ANO10: variants seen among roughly 807,000 people sequenced by gnomAD.
ANO10 encodes the protein anoctamin-10.
Under a neutral mutation model 74.7 loss-of-function variants are expected in ANO10, and 77 were observed. The ratio of observed to expected loss-of-function variants is 1.03; its 90% confidence interval spans 0.86 to 1.25. The LOEUF (loss-of-function observed/expected upper bound fraction) is 1.25. Ranked by LOEUF, ANO10 falls within the 50% of genes most tolerant of loss-of-function variation. The probability of loss-of-function intolerance (pLI) is 0.00; values close to 1 mark genes in which losing one functional copy is unlikely to be tolerated. For missense variants in ANO10, 721 were observed against 778.1 expected, an observed-to-expected ratio of 0.93 and a Z score of 0.87; for synonymous variants, 279 against 284.9, an observed-to-expected ratio of 0.98 and a Z score of 0.21.
At chr3:43,690,821 G>T (rs1336806144) in intron 1 of ANO10, 1 of 538,724 alleles carries the variant, frequency 1.9e-6, no homozygotes, top group South Asian at 4.1e-5. Flanking sequence ...CGCAAAGCCG[G>T]AGGCAAGGCC....
At chr3:43,676,442 A>C (rs941363057) in intron 1 of ANO10, among the ~76,000 whole-genome samples, 4 of 152,182 alleles carry the variant, frequency 2.6e-5, no homozygotes, top group African/African-American at 9.7e-5. Flanking sequence ...TGGGAGACAG[A>C]GTGAGACCCT....
chr3:43,689,039 G>A (rs928567868), intron 1 of ANO10, among the ~76,000 whole-genome samples: 4 of 152,034 alleles, frequency 2.6e-5, no homozygotes, highest in African/African-American at 9.7e-5. Flanking sequence ...AGAGAGTGAG[G>A]GGTAGGTGCC....
chr3:43,414,542 C>A (rs1458505396), intron 12 of ANO10, among the ~76,000 whole-genome samples: 1 of 152,140 alleles, frequency 6.6e-6, no homozygotes, highest in South Asian at 2.1e-4. Flanking sequence ...TACCACTCTT[C>A]ATTTCTAGAA....
intron 7 of ANO10, among the ~76,000 whole-genome samples, chr3:43,572,558 A>G (rs772240658): frequency 6.6e-6 from 1 of 152,188 alleles, no homozygotes; most frequent in Non-Finnish European, 1.5e-5. Flanking sequence ...CTTTGTCACC[A>G]TAAGCATGAA....
Position 43,677,028 on chromosome 3 carries a change from A to G in ANO10, c.-12+14489T>C, listed in dbSNP as rs139236767. Among the ~76,000 whole-genome samples, 572 of 152,324 alleles carry G rather than the reference A, an allele frequency of 3.8e-3. 3 individuals carry two copies. Among genetic ancestry groups the G allele is most frequent in the Non-Finnish European group, 6.3e-3 (429 of 68,026 alleles). The stretch of plus-strand genomic sequence containing the variant: ...ATGATTTACGTTCTATCAAAAAGAT[A>G]CAGGCACTACCATGTTCATCACAGC... On this transcript the variant is annotated intron_variant, in intron 1 of 3. Coordinates refer to the ANO10 transcript ENST00000413397.
intron 11 of ANO10, among the ~76,000 whole-genome samples, chr3:43,512,122 C>A (rs2077530390): frequency 6.6e-6 from 1 of 152,118 alleles, no homozygotes; most frequent in African/African-American, 2.4e-5. Flanking sequence ...CCAGATGCAG[C>A]CCATGATCTC....
chr3:43,517,246 A>C (rs1225209069), intron 11 of ANO10, among the ~76,000 whole-genome samples: 3 of 152,226 alleles, frequency 2.0e-5, no homozygotes, highest in Non-Finnish European at 2.9e-5. Context: ...TGTAACCTAA[A>C]GCAAATTTTT....
At chr3:43,445,251 C>G (rs1842807) in intron 11 of ANO10, among the ~76,000 whole-genome samples, 67,458 of 151,400 alleles carry the variant, frequency 0.45, 17,784 homozygotes, top group East Asian at 0.77. Context: ...AGGAAATATA[C>G]AAGATGAGTC....
At chr3:43,575,364 A>G (rs561517222) in intron 6 of ANO10, among the ~76,000 whole-genome samples, 141 of 152,284 alleles carry the variant, frequency 9.3e-4, no homozygotes, top group South Asian at 8.1e-3. Flanking sequence ...ACAAAAAGGA[A>G]GATTCTGAAG....
intron 12 of ANO10, among the ~76,000 whole-genome samples, chr3:43,388,073 CACAAACATGTGCACT>C (rs1369929924): frequency 6.6e-6 from 1 of 152,116 alleles, no homozygotes; most frequent in Non-Finnish European, 1.5e-5. Context: ...ATTACTTTTT[CACAAACATGTGCACT>C]CTAGGTTTTT....
Position 43,576,759 on chromosome 3 carries a change from GAT to G in ANO10, c.1093_1094del (p.Ile365LeufsTer6), listed in dbSNP as rs2081015835. On this transcript the variant is annotated frameshift_variant, in exon 6 of 13. Transcript: ENST00000292246. LOFTEE classifies it high-confidence loss of function. ...TCATGATCTCAATCACAATGGCATA[GAT>G]GATGCTGGGCACATACAACAGGACA... ...TSVLLYVPSI[I>X]YAIVIEIMNR... 1.9e-6 allele frequency: 3 copies of G among 1,614,060 alleles called. No homozygotes were observed. The highest frequency in any genetic ancestry group is 1.7e-5 in the Admixed American group (1 of 59,996).
intron 11 of ANO10, chr3:43,485,786 A>C: frequency 3.9e-6 from 1 of 257,258 alleles, no homozygotes; most frequent in Non-Finnish European, 7.7e-6. Context: ...AGGCGCAAAG[A>C]TTTGCATGTG....
intron 11 of ANO10, among the ~76,000 whole-genome samples, chr3:43,477,924 G>A (rs945915733): frequency 6.6e-6 from 1 of 152,184 alleles, no homozygotes; most frequent in African/African-American, 2.4e-5. Context: ...GGGAGTGAGG[G>A]AGGAATGTTG....
At chr3:43,573,283 T>C (rs1405159377) in intron 7 of ANO10, among the ~76,000 whole-genome samples, 1 of 152,196 alleles carries the variant, frequency 6.6e-6, no homozygotes, top group Non-Finnish European at 1.5e-5. Context: ...CTTTTGGATA[T>C]GTAGGGCTAC....
intron 12 of ANO10, among the ~76,000 whole-genome samples, chr3:43,397,891 C>T (rs2148862878): frequency 6.6e-6 from 1 of 152,262 alleles, no homozygotes; most frequent in Admixed American, 6.5e-5. Context: ...GCCTGATGTC[C>T]ACTGTTGGAA....
In ANO10 at chr3:43,459,269, G is replaced by A. The variant is rs138437247; in HGVS notation, c.1798-26542C>T. 3.0e-3 allele frequency among the ~76,000 whole-genome samples: 456 copies of A among 152,022 alleles called. 1 individual carries two copies. Among genetic ancestry groups the A allele is most frequent in the African/African-American group, 0.011 (438 of 41,434 alleles). On this transcript the variant is annotated intron_variant, in intron 11 of 12. Coordinates refer to ENST00000292246, the MANE Select transcript of ANO10 (RefSeq NM_018075.5). ...GTAGCCACAACTTGCTCCAGGATTC[G>A]GTGTTGTTGAAGGAAAAGGACCAGT... is the stretch of plus-strand genomic sequence containing the variant.
In ANO10 at chr3:43,366,846, G is replaced by A. The variant is rs185583931; in HGVS notation, c.*60C>T. ...TGCCCCGGGTACCCCCCCTGCCACC[G>A]TGGCAGGTGTGGCACAGACACAGGC... On this transcript the variant is annotated 3_prime_UTR_variant, in exon 13 of 13. Transcript: ENST00000292246. 6.7e-6 allele frequency: 10 copies of A among 1,502,406 alleles called. No individual in the cohort carries two copies. Among genetic ancestry groups the A allele is most frequent in the African/African-American group, 4.1e-5 (3 of 72,340 alleles). The allele number at this position is 1,502,406 out of a possible 1,614,324, so 93.1% of individuals were successfully genotyped here.
chr3:43,521,057 T>C (rs2077933703), intron 11 of ANO10, among the ~76,000 whole-genome samples: 2 of 152,202 alleles, frequency 1.3e-5, no homozygotes, highest in African/African-American at 2.4e-5. Flanking sequence ...ATGGATTCCT[T>C]AGGATTTTCT....
rs200598727 is a variant in ANO10, at chr3:43,391,343, GA to G, written c.1915-24370del. 4.6e-5 allele frequency among the ~76,000 whole-genome samples: 7 copies of G among 152,170 alleles called. No homozygotes were observed. The East Asian group carries it at 1.3e-3, about 29-fold the overall frequency. ...TAAAGCTGCAACTGACTATTCTGAG[GA>G]AAAAAACATATAAGGATGAATGCAT... On this transcript the variant is annotated intron_variant, in intron 12 of 12. Transcript: ENST00000292246.
Sources: gnomAD v4.1 joint callset for allele counts (sites outside exome capture counted in the v4.1 genomes callset) on GRCh38, gnomAD v4.1.1 for gene constraint, MANE v1.5 for transcripts, NCBI Gene and HGNC (gene_info 2026-07-23, HGNC 2026-07-21) for gene names.